LRBA: variants seen among roughly 807,000 people sequenced by gnomAD.
LRBA encodes the protein LPS responsive beige-like anchor protein, also known as lipopolysaccharide-responsive and beige-like anchor protein.
A neutral mutation model predicts 330.0 loss-of-function variants in LRBA; 176 were observed. That is an observed-to-expected ratio of 0.53 (90% confidence interval 0.47 to 0.60). LRBA has a LOEUF of 0.60. Among genes scored for constraint, LRBA ranks in the 20% least tolerant of loss-of-function variants. The probability of loss-of-function intolerance (pLI) is 0.00; values close to 1 mark genes in which losing one functional copy is unlikely to be tolerated. For synonymous variants in LRBA, 1,230 were observed against 1,193.0 expected (o/e 1.03, Z -0.64); for missense variants, 3,259 against 3,444.8 (o/e 0.95, Z 1.35).
chr4:150,817,240 G>C lies in LRBA; in HGVS notation c.5189C>G (p.Ala1730Gly), dbSNP rs1744736366. 4 of 1,611,838 alleles carry C rather than the reference G, an allele frequency of 2.5e-6. No individual in the cohort carries two copies. The highest frequency in any genetic ancestry group is 2.2e-5 in the South Asian group (2 of 91,018). Residue 1730 changes from alanine to glycine, a missense_variant, in exon 31 of 57, where the codon GCA becomes GGA. Physicochemically the swap from Ala to Gly is moderately conservative, Grantham distance 60 (BLOSUM62 0). Coordinates refer to ENST00000651943, the MANE Select transcript of LRBA (RefSeq NM_001364905.1). ...GGAAGGTGAGACTGCTGACTTTTTT[G>C]CTGCAACAATGACACTTCTGTAATA... is the stretch of plus-strand genomic sequence containing the variant. Reference protein sequence around the residue: ...RSFDRSVIVAAKKSAVSPSTF... With the variant: ...RSFDRSVIVAGKKSAVSPSTF...
intron 35 of LRBA, among the ~76,000 whole-genome samples, chr4:150,750,635 G>A (rs1389013811): frequency 1.3e-5 from 2 of 151,954 alleles, no homozygotes; most frequent in East Asian, 1.9e-4. Flanking sequence ...ATCATGCTAT[G>A]TTGCTCAGGC....
intron 40 of LRBA, among the ~76,000 whole-genome samples, chr4:150,559,744 T>C (rs1767924882): frequency 1.1e-5 from 1 of 89,070 alleles, no homozygotes; most frequent in African/African-American, 4.7e-5. Flanking sequence ...ATATAATATA[T>C]AATATATATA....
rs1361843027 is a variant in LRBA, at chr4:150,850,862, G to C, written c.3866C>G (p.Pro1289Arg). The C allele has an allele frequency of 2.5e-6, 4 of 1,613,242 alleles. No individual in the cohort carries two copies. Among genetic ancestry groups the C allele is most frequent in the Non-Finnish European group, 3.4e-6 (4 of 1,179,716 alleles). ...CCTCCTTTGTCCATTAACTGCATCTGGTGCTATTCCTTGCCCTGGCTGCTC... is the reference window on the plus strand; with the variant it reads ...CCTCCTTTGTCCATTAACTGCATCTCGTGCTATTCCTTGCCCTGGCTGCTC... ...QHEQPGQGIA[P>R]DAVNGQRRDS... is the part of the protein sequence containing the mutation. The change falls in exon 24 of 57, where the codon CCA (proline) becomes CGA (arginine). Residue 1289 changes from proline to arginine, a missense_variant. Pro to Arg is a moderately radical substitution (Grantham distance 103). Transcript: ENST00000651943.
chr4:150,928,675 A>G, intron 3 of LRBA, 59 bp from the exon 4 acceptor site: 3 of 1,425,978 alleles, frequency 2.1e-6, no homozygotes, highest in Non-Finnish European at 2.9e-6. Context: ...GAATATTTAA[A>G]ATAAACTGTG....
chr4:150,576,582 T>G (rs1770578269), intron 40 of LRBA, among the ~76,000 whole-genome samples: 1 of 151,884 alleles, frequency 6.6e-6, no homozygotes, highest in African/African-American at 2.4e-5. Context: ...TATGTATAGT[T>G]TAATAAAGTA....
intron 20 of LRBA, among the ~76,000 whole-genome samples, chr4:150,870,300 G>C (rs1001790765): frequency 6.6e-6 from 1 of 152,130 alleles, no homozygotes; most frequent in Admixed American, 6.5e-5. Context: ...AAGACCTTAA[G>C]CAAACAATTC....
intron 47 of LRBA, 113 bp from the exon 48 acceptor site, chr4:150,350,272 T>G: frequency 1.1e-6 from 1 of 880,338 alleles, no homozygotes; most frequent in East Asian, 3.1e-5. Flanking sequence ...ACAAAGATTT[T>G]TAAAAAACAA....
intron 36 of LRBA, among the ~76,000 whole-genome samples, chr4:150,724,607 C>T (rs766528630): frequency 7.9e-5 from 12 of 151,912 alleles, no homozygotes; most frequent in Non-Finnish European, 1.2e-4. Context: ...CCAATTCTGA[C>T]GAAACAGAGA....
In LRBA at chr4:150,590,351, GCTTT is replaced by G. The variant is rs1438318024; in HGVS notation, c.6193+358_6193+361del. Reference sequence around the variant, plus strand: ...AAGCAAATAGCTTCTCTCCTTCCAAGCTTTATTTACAAAAAAAAAAAAAAAAAAC... The same window carrying G: ...AAGCAAATAGCTTCTCTCCTTCCAAGATTTACAAAAAAAAAAAAAAAAAAC... On this transcript the variant is annotated intron_variant, in intron 39 of 56. Coordinates refer to ENST00000651943, the MANE Select transcript of LRBA (RefSeq NM_001364905.1). Among the ~76,000 whole-genome samples, 3 of 99,112 alleles carry G rather than the reference GCTTT, an allele frequency of 3.0e-5. 1 individual carries two copies. Among genetic ancestry groups the G allele is most frequent in the Middle Eastern group, 0.016 (2 of 126 alleles). 65.0% of individuals were successfully genotyped at this position (99,112 alleles called of 152,430 possible). A position where few individuals can be genotyped will look rare whatever the true frequency, so the allele number is the denominator to read the frequency against.
intron 2 of LRBA, among the ~76,000 whole-genome samples, chr4:150,969,947 T>C (rs968146158): frequency 6.6e-6 from 1 of 152,182 alleles, no homozygotes. Context: ...CTGAACAGCA[T>C]TGCATGCTAC....
chr4:150,599,779 C>A (rs1478136344), intron 37 of LRBA, among the ~76,000 whole-genome samples: 2 of 152,094 alleles, frequency 1.3e-5, no homozygotes, highest in East Asian at 1.9e-4. Context: ...AGGCTTAGAA[C>A]AACACAAGAA....
At chr4:150,921,121 G>A in intron 5 of LRBA, 77 bp downstream of exon 5, 1 of 875,248 alleles carries the variant, frequency 1.1e-6, no homozygotes, top group African/African-American at 1.7e-5. Context: ...ACCTGTCAGG[G>A]GTGTTCACAG....
intron 37 of LRBA, among the ~76,000 whole-genome samples, chr4:150,639,811 GTGTGTGTGTATATA>G (rs1561457852): frequency 0.011 from 146 of 13,826 alleles, 25 homozygotes; most frequent in East Asian, 0.021. Context: ...ATATATGTGT[GTGTGTGTGTATATA>G]TATATATATA....
chr4:150,579,950 C>T, intron 40 of LRBA: 1 of 324,292 alleles, frequency 3.1e-6, no homozygotes, highest in Non-Finnish European at 6.1e-6. Flanking sequence ...TAACTGCCCC[C>T]GGAGAAGCAA....
chr4:150,736,870 A>T (rs1731249593), intron 35 of LRBA, among the ~76,000 whole-genome samples: 2 of 152,130 alleles, frequency 1.3e-5, no homozygotes, highest in Non-Finnish European at 2.9e-5. Context: ...CAATAAGCCT[A>T]ATGGAAGCCA....
chr4:150,418,878 A>G (rs889258209), intron 46 of LRBA, among the ~76,000 whole-genome samples: 9 of 149,870 alleles, frequency 6.0e-5, no homozygotes, highest in Non-Finnish European at 7.5e-5. Context: ...GTCAAATGTT[A>G]GTATTTTTAA....
chr4:150,692,551 T>C (rs1183028432), intron 36 of LRBA, among the ~76,000 whole-genome samples: 1 of 152,104 alleles, frequency 6.6e-6, no homozygotes, highest in Non-Finnish European at 1.5e-5. Context: ...GGACAAGGTA[T>C]AGATGGAGGA....
chr4:150,846,423 A>G (rs1560905952), intron 26 of LRBA, among the ~76,000 whole-genome samples: 1 of 151,878 alleles, frequency 6.6e-6, no homozygotes, highest in Non-Finnish European at 1.5e-5. Context: ...CCAGCTACTC[A>G]GGAGGCTGAG....
In LRBA at chr4:150,265,702, T is replaced by TTGA. The variant is rs1217113959; in HGVS notation, c.*17_*19dup. The TTGA allele has an allele frequency of 2.0e-6, 3 of 1,522,092 alleles. No homozygotes were observed. Among genetic ancestry groups the TTGA allele is most frequent in the Non-Finnish European group, 2.7e-6 (3 of 1,096,332 alleles). The allele number at this position is 1,522,092 out of a possible 1,614,324, so 94.3% of individuals were successfully genotyped here. On this transcript the variant is annotated 3_prime_UTR_variant, in exon 57 of 57. Transcript: ENST00000651943. ...ACTTCTGCTCATCCTAGGGGCAGAG[T>TTGA]TGATGTACAGCTGTCACCATCAGTA...
Sources: gnomAD v4.1 joint callset for allele counts (sites outside exome capture counted in the v4.1 genomes callset) on GRCh38, gnomAD v4.1.1 for gene constraint, MANE v1.5 for transcripts, NCBI Gene and HGNC (gene_info 2026-07-23, HGNC 2026-07-21) for gene names.